The following BTRC variants were observed in gnomAD, a reference collection of about 807,000 sequenced individuals.
BTRC encodes beta-transducin repeat containing E3 ubiquitin protein ligase.
A neutral mutation model predicts 85.5 loss-of-function variants in BTRC; 42 were observed. The ratio of observed to expected loss-of-function variants is 0.49; its 90% CI spans 0.38 to 0.64. BTRC has a LOEUF of 0.64. BTRC is among the 30% of genes least tolerant of loss of function. BTRC has a pLI of 0.00. For synonymous variants in BTRC, 255 were observed against 263.3 expected, an observed-to-expected ratio of 0.97 and a Z score of 0.30; for missense variants, 594 against 743.5, an observed-to-expected ratio of 0.80 and a Z score of 2.34.
At chr10:101,477,772 C>A (rs1333357729) in intron 3 of BTRC, among the ~76,000 whole-genome samples, 2 of 152,076 alleles carry the variant, frequency 1.3e-5, no homozygotes, top group Non-Finnish European at 2.9e-5. Context: ...CCCTCAGCCT[C>A]CTGAGTAGCT....
intron 1 of BTRC, among the ~76,000 whole-genome samples, chr10:101,373,766 A>T (rs183780662): frequency 1.3e-5 from 2 of 152,038 alleles, no homozygotes; most frequent in Non-Finnish European, 2.9e-5. Context: ...AAAATACAAA[A>T]AATTAGCCAG....
chr10:101,464,304 AAGAG>A (rs1352062628), intron 3 of BTRC, among the ~76,000 whole-genome samples: 3 of 152,196 alleles, frequency 2.0e-5, no homozygotes, highest in African/African-American at 7.2e-5. Context: ...AAACTGAAGC[AAGAG>A]AGAGAATCAT....
At chr10:101,442,684 G>T (rs1269580236) in intron 2 of BTRC, among the ~76,000 whole-genome samples, 2 of 151,936 alleles carry the variant, frequency 1.3e-5, no homozygotes, top group Non-Finnish European at 2.9e-5. Context: ...TTGTCCTTCA[G>T]TGACATAAAC....
intron 3 of BTRC, among the ~76,000 whole-genome samples, chr10:101,467,299 T>A (rs1191314254): frequency 6.6e-6 from 1 of 150,662 alleles, no homozygotes; most frequent in East Asian, 1.9e-4. Context: ...GAAAAAGGTT[T>A]AATGAAGTCC....
intron 5 of BTRC, 130 bp from the exon 6 acceptor site, chr10:101,525,883 T>C: frequency 1.2e-6 from 1 of 806,438 alleles, no homozygotes; most frequent in South Asian, 2.7e-5. Context: ...AAAAAGAAAC[T>C]GGACCACACT....
intron 13 of BTRC, among the ~76,000 whole-genome samples, chr10:101,547,171 C>T (rs550752806): frequency 1.3e-5 from 2 of 152,178 alleles, no homozygotes; most frequent in East Asian, 3.9e-4. Context: ...CAGGATGTAA[C>T]CCATTGTAAT....
intron 1 of BTRC, among the ~76,000 whole-genome samples, chr10:101,409,775 T>C (rs988841242): frequency 1.3e-5 from 2 of 152,214 alleles, no homozygotes; most frequent in African/African-American, 4.8e-5. Flanking sequence ...CATTGTGCAG[T>C]GCGTGAGTTA....
chr10:101,356,748 AAC>A (rs1942045389), intron 1 of BTRC, among the ~76,000 whole-genome samples: 1 of 152,198 alleles, frequency 6.6e-6, no homozygotes, highest in African/African-American at 2.4e-5. Context: ...TCAGTGCAGT[AAC>A]AGTCTTATGA....
intron 1 of BTRC, among the ~76,000 whole-genome samples, chr10:101,367,320 G>A (rs1031059650): frequency 6.6e-6 from 1 of 151,052 alleles, no homozygotes; most frequent in Non-Finnish European, 1.5e-5. Flanking sequence ...TGCCTGCCTC[G>A]GCCTCCCAAA....
chr10:101,419,012 T>C (rs1326913347), intron 1 of BTRC, among the ~76,000 whole-genome samples: 1 of 151,680 alleles, frequency 6.6e-6, no homozygotes, highest in Non-Finnish European at 1.5e-5. Flanking sequence ...CTTTCTTTCT[T>C]TCTTTTTTTT....
At chr10:101,409,924 C>T (rs1253030164) in intron 1 of BTRC, among the ~76,000 whole-genome samples, 1 of 151,990 alleles carries the variant, frequency 6.6e-6, no homozygotes, top group East Asian at 1.9e-4. Flanking sequence ...GGATATATAC[C>T]TAGAAGTAGG....
chr10:101,478,091 G>C (rs1380396862), intron 3 of BTRC, among the ~76,000 whole-genome samples: 1 of 152,084 alleles, frequency 6.6e-6, no homozygotes, highest in Non-Finnish European at 1.5e-5. Flanking sequence ...CCTGAGGTCA[G>C]TAGTTCAAGA....
At chr10:101,358,781 C>T (rs547309603) in intron 1 of BTRC, among the ~76,000 whole-genome samples, 1 of 152,206 alleles carries the variant, frequency 6.6e-6, no homozygotes, top group East Asian at 1.9e-4. Flanking sequence ...GACTGCCAGT[C>T]TTCTAAATCC....
At chr10:101,493,330 T>C (rs187631186) in intron 4 of BTRC, among the ~76,000 whole-genome samples, 1 of 152,258 alleles carries the variant, frequency 6.6e-6, no homozygotes, top group Non-Finnish European at 1.5e-5. Flanking sequence ...ATGTTTATGA[T>C]GTACTAGGCA....
intron 1 of BTRC, among the ~76,000 whole-genome samples, chr10:101,419,713 G>A (rs539156295): frequency 1.4e-4 from 22 of 152,242 alleles, no homozygotes; most frequent in African/African-American, 4.6e-4. Context: ...CATACCAAGC[G>A]GTGGGAAACA....
chr10:101,526,167 T>G lies in BTRC; in HGVS notation c.711T>G (p.Ser237=). The G allele has an allele frequency of 2.5e-6, 4 of 1,614,068 alleles. No individual in the cohort carries two copies. The Admixed American group carries it at 6.7e-5, about 27-fold the overall frequency. ...TCGAGAGAATGGTCAGGACAGATTC[T>G]CTGTGGAGAGGCCTGGCAGAACGAA... ...KLIERMVRTD[S]LWRGLAERRG... is the part of the protein sequence containing the mutation. Residue 237 remains serine, a synonymous_variant, in exon 6 of 15, where the codon TCT becomes TCG. Transcript: ENST00000370187.
intron 1 of BTRC, among the ~76,000 whole-genome samples, chr10:101,429,480 C>T (rs897162369): frequency 1.4e-5 from 2 of 147,568 alleles, no homozygotes; most frequent in East Asian, 3.9e-4. Flanking sequence ...TTCTAGGTGT[C>T]GTCTTCTTCC....
Position 101,533,053 on chromosome 10 carries a change from A to G in BTRC, c.1080A>G (p.Ser360=), listed in dbSNP as rs762370310. 12 of 1,610,968 alleles carry G rather than the reference A, an allele frequency of 7.4e-6. No homozygotes were observed. The highest frequency in any genetic ancestry group is 4.5e-5 in the East Asian group (2 of 44,846). ...QYDERVIITG[S]SDSTVRVWDV... ...ATGAGAGAGTGATCATAACAGGATC[A>G]TCGGATTCCACGGTCAGGTAGAAAA... Residue 360 remains serine (S), a synonymous_variant, in exon 9 of 15, where the codon TCA becomes TCG. Transcript: ENST00000370187.
intron 2 of BTRC, among the ~76,000 whole-genome samples, chr10:101,438,897 C>T (rs1944608339): frequency 1.3e-5 from 2 of 152,282 alleles, no homozygotes; most frequent in South Asian, 4.1e-4. Flanking sequence ...GTATTCCCTA[C>T]TCTGGTTCAA....
Sources: gnomAD v4.1 joint callset for allele counts (sites outside exome capture counted in the v4.1 genomes callset) on GRCh38, gnomAD v4.1.1 for gene constraint, MANE v1.5 for transcripts, NCBI Gene and HGNC (gene_info 2026-07-23, HGNC 2026-07-21) for gene names.